Variants in PCA3 observed in about 807,000 individuals in gnomAD.
The protein encoded by PCA3 is Differential Display code 3.
chr9:76,777,833 T>G (rs1220951976), intron 2 of PCA3, among the ~76,000 whole-genome samples: 2 of 152,190 alleles, frequency 1.3e-5, no homozygotes, highest in African/African-American at 4.8e-5. Flanking sequence ...GAGCAGAGAA[T>G]TGAAATAAGT....
At chr9:76,771,217 G>A (rs2053068949) in intron 2 of PCA3, among the ~76,000 whole-genome samples, 1 of 152,100 alleles carries the variant, frequency 6.6e-6, no homozygotes, top group Non-Finnish European at 1.5e-5. Context: ...GATAACTGGT[G>A]ATCAAATATA....
chr9:76,783,379 C>T (rs1174692614), intron 2 of PCA3, among the ~76,000 whole-genome samples: 2 of 152,046 alleles, frequency 1.3e-5, no homozygotes, highest in Non-Finnish European at 2.9e-5. Context: ...TCAGGTGACC[C>T]ACCTGCCTCA....
intron 2 of PCA3, among the ~76,000 whole-genome samples, chr9:76,774,453 T>TATTTA (rs370472844): frequency 8.2e-6 from 1 of 122,224 alleles, no homozygotes; most frequent in Non-Finnish European, 1.8e-5. Flanking sequence ...TTCAACCCTT[T>TATTTA]TTTTTTTTTT....
intron 2 of PCA3, among the ~76,000 whole-genome samples, chr9:76,769,251 T>G (rs1186212061): frequency 6.6e-6 from 1 of 152,238 alleles, no homozygotes; most frequent in African/African-American, 2.4e-5. Flanking sequence ...CACACTATTC[T>G]GCAGCTTAAA....
chr9:76,776,575 C>G (rs761708858), intron 2 of PCA3, among the ~76,000 whole-genome samples: 1 of 122,344 alleles, frequency 8.2e-6, no homozygotes, highest in Non-Finnish European at 1.6e-5. Flanking sequence ...GAGTGCAGTG[C>G]ACAATCTCGG....
chr9:76,769,649 TC>T (rs2052871680), intron 2 of PCA3, among the ~76,000 whole-genome samples: 1 of 152,198 alleles, frequency 6.6e-6, no homozygotes, highest in African/African-American at 2.4e-5. Flanking sequence ...GGACTCGAAC[TC>T]CCGACATCAG....
intron 2 of PCA3, among the ~76,000 whole-genome samples, chr9:76,769,499 C>T (rs892041251): frequency 3.3e-5 from 5 of 152,098 alleles, no homozygotes; most frequent in Admixed American, 6.6e-5. Context: ...CTCGGCTCGT[C>T]GTCGCAACCT....
chr9:76,783,287 C>A (rs189799429), intron 2 of PCA3, among the ~76,000 whole-genome samples: 3 of 152,176 alleles, frequency 2.0e-5, no homozygotes, highest in African/African-American at 7.2e-5. Flanking sequence ...CAGGCATGCA[C>A]CAGCACGCCC....
At chr9:76,782,234 G>A (rs773893774) in intron 2 of PCA3, among the ~76,000 whole-genome samples, 18 of 151,966 alleles carry the variant, frequency 1.2e-4, no homozygotes, top group South Asian at 4.2e-4. Flanking sequence ...AAAAAAGAAA[G>A]CATTGGGAAA....
chr9:76,785,214 TCTTC>T (rs1177147948), intron 2 of PCA3: 1 of 152,344 alleles, frequency 6.6e-6, no homozygotes, highest in East Asian at 1.9e-4. Flanking sequence ...CCTGAGAAGC[TCTTC>T]CTTGTCTCTT....
intron 2 of PCA3, among the ~76,000 whole-genome samples, chr9:76,769,621 C>A (rs1485455556): frequency 6.6e-6 from 1 of 152,188 alleles, no homozygotes; most frequent in Non-Finnish European, 1.5e-5. Context: ...GATGGGGTTT[C>A]TCCATGTTGG....
intron 2 of PCA3, among the ~76,000 whole-genome samples, chr9:76,779,378 C>T (rs889776565): frequency 5.3e-5 from 8 of 152,110 alleles, no homozygotes; most frequent in African/African-American, 1.9e-4. Context: ...CAGTTTCCTT[C>T]CAAAGCCAAC....
chr9:76,782,255 T>C (rs1466314479), intron 2 of PCA3, among the ~76,000 whole-genome samples: 1 of 151,988 alleles, frequency 6.6e-6, no homozygotes, highest in African/African-American at 2.4e-5. Flanking sequence ...GCCTAAATGG[T>C]CTACAGGCCA....
chr9:76,777,032 T>C (rs1037631450), intron 2 of PCA3, among the ~76,000 whole-genome samples: 2 of 151,786 alleles, frequency 1.3e-5, no homozygotes, highest in Non-Finnish European at 2.9e-5. Context: ...CATCTGCCAC[T>C]GCACCAATGC....
In PCA3 at chr9:76,768,595, G is replaced by GTGTGTC. The variant is rs1393783726; in HGVS notation, n.852+31985_852+31986insCTGTGT. 3.5e-4 allele frequency among the ~76,000 whole-genome samples: 51 copies of GTGTGTC among 144,256 alleles called. 1 individual carries two copies. In the South Asian group the frequency reaches 7.7e-3, roughly 22 times the overall value. The allele number at this position is 144,256 out of a possible 152,430, so 94.6% of individuals were successfully genotyped here. On this transcript the variant is annotated intron_variant and non_coding_transcript_variant, in intron 2 of 5. Coordinates refer to ENST00000644657, the Ensembl canonical transcript of PCA3. The stretch of plus-strand genomic sequence containing the variant: ...TATATGTATATGTATGTGTGTGTGT[G>GTGTGTC]TGTGTGTGTGTGTGTGTGTGTGTGT...
intron 2 of PCA3, chr9:76,785,733 C>CTG (rs10681024): frequency 0.27 from 39,659 of 149,500 alleles, 5,298 homozygotes; most frequent in African/African-American, 0.32. Context: ...GTTAAGAGCT[C>CTG]TGTGTGTGTG....
chr9:76,766,687 A>C (rs545587918), intron 2 of PCA3, among the ~76,000 whole-genome samples: 1 of 152,194 alleles, frequency 6.6e-6, no homozygotes, highest in Non-Finnish European at 1.5e-5. Context: ...CGTCTTCTTC[A>C]AACATGTCAA....
intron 2 of PCA3, among the ~76,000 whole-genome samples, chr9:76,768,163 T>C (rs1470599060): frequency 6.6e-6 from 1 of 152,000 alleles, no homozygotes; most frequent in African/African-American, 2.4e-5. Flanking sequence ...TGGCTATACC[T>C]TGCCCTTGAA....
At chr9:76,766,961 A>T (rs1389299910) in intron 2 of PCA3, among the ~76,000 whole-genome samples, 2 of 151,580 alleles carry the variant, frequency 1.3e-5, no homozygotes, top group African/African-American at 2.4e-5. Flanking sequence ...TTTATCATCT[A>T]CCTCTCCCAC....
Sources: gnomAD v4.1 joint callset for allele counts (sites outside exome capture counted in the v4.1 genomes callset) on GRCh38, gnomAD v4.1.1 for gene constraint, MANE v1.5 for transcripts, NCBI Gene and HGNC (gene_info 2026-07-23, HGNC 2026-07-21) for gene names.